PROX2: variants seen among roughly 807,000 people sequenced by gnomAD.
The protein encoded by PROX2 is prospero homeobox protein 2.
A neutral mutation model predicts 48.9 loss-of-function variants in PROX2; 46 were observed. That is an observed-to-expected ratio of 0.94 (90% confidence interval 0.74 to 1.20). The LOEUF (loss-of-function observed/expected upper bound fraction) is 1.20. Among genes scored for constraint, PROX2 ranks in the 50% most tolerant of loss-of-function variants. The probability of loss-of-function intolerance (pLI) is 0.00; values close to 1 mark genes in which losing one functional copy is unlikely to be tolerated. For missense variants in PROX2, 663 were observed against 719.4 expected (o/e 0.92, Z 0.90); for synonymous variants, 260 against 276.6 (o/e 0.94, Z 0.60).
chr14:74,873,686 G>T (rs1883270908), intron 1 of PROX2: 1 of 374,530 alleles, frequency 2.7e-6, no homozygotes, highest in Non-Finnish European at 5.2e-6. Context: ...AAAACAAAAT[G>T]AAGGAATTAA....
chr14:74,856,643 G>A, intron 5 of PROX2, 158 bp downstream of exon 5: 2 of 619,814 alleles, frequency 3.2e-6, no homozygotes, highest in East Asian at 2.8e-5. Flanking sequence ...AAGTGAAGAT[G>A]TTGAGGCTGT....
At chr14:74,860,132 C>T (rs10438166) in intron 3 of PROX2, among the ~76,000 whole-genome samples, 18,950 of 152,170 alleles carry the variant, frequency 0.12, 1,731 homozygotes, top group African/African-American at 0.26. Context: ...TGCTTGAGAA[C>T]GGTGAGATAA....
At chr14:74,855,326 A>T in intron 5 of PROX2, 24 bp from the exon 6 acceptor site, 1 of 1,516,272 alleles carries the variant, frequency 6.6e-7, no homozygotes, top group Non-Finnish European at 8.9e-7. Flanking sequence ...GAGACCCACA[A>T]GAAAGAAAAG....
Position 74,863,628 on chromosome 14 carries a change from C to T in PROX2, c.207G>A (p.Glu69=), listed in dbSNP as rs1294994421. 12 of 1,596,730 alleles carry T rather than the reference C, an allele frequency of 7.5e-6. No homozygotes were observed. Among genetic ancestry groups the T allele is most frequent in the Non-Finnish European group, 1.0e-5 (12 of 1,171,484 alleles). ...EHIQAKRARV[E]TIVRGMCLSP... The stretch of plus-strand genomic sequence containing the variant: ...AGAGACACATGCCTCGGACAATGGT[C>T]TCCACTCTGGCCCTCTTTGCCTGGA... The change falls in exon 3 of 6, where the codon GAG becomes GAA. Residue 69 remains glutamate, a synonymous_variant. Coordinates refer to ENST00000556489, the MANE Select transcript of PROX2 (RefSeq NM_001243007.2).
At chr14:74,870,696 AT>A (rs571952514) in intron 2 of PROX2, among the ~76,000 whole-genome samples, 121 of 152,250 alleles carry the variant, frequency 7.9e-4, no homozygotes, top group African/African-American at 2.9e-3. Flanking sequence ...TATATGCGAA[AT>A]CTCTGTACTT....
intron 4 of PROX2, chr14:74,858,145 C>G (rs1000436204): frequency 2.8e-5 from 9 of 325,088 alleles, no homozygotes; most frequent in Admixed American, 4.6e-5. Flanking sequence ...TTTCCCTCTA[C>G]TTTTCCTGCC....
rs1337478682 is a variant in PROX2, at chr14:74,854,376, T to C, written c.*756A>G. 3.1e-6 allele frequency: 1 copy of C among 319,216 alleles called. No homozygotes were observed. The highest frequency in any genetic ancestry group is 6.3e-6 in the Non-Finnish European group (1 of 157,698). 19.8% of individuals were successfully genotyped at this position (319,216 alleles called of 1,614,324 possible). A position where few individuals can be genotyped will look rare whatever the true frequency, so the allele number is the denominator to read the frequency against. On this transcript the variant is annotated 3_prime_UTR_variant, in exon 6 of 6. Transcript: ENST00000556489. ...TAAGTGCTGGGCAGGAGTTGTCAGGTGACGGTGCCCTGTCAGCGCTGGATG... is the reference window on the plus strand; with the variant it reads ...TAAGTGCTGGGCAGGAGTTGTCAGGCGACGGTGCCCTGTCAGCGCTGGATG...
rs1380033768 is a variant in PROX2 at position 74,858,408 on chromosome 14, T to C, written c.1412A>G (p.Gln471Arg). The change falls in exon 4 of 6, where the codon CAG (glutamine) becomes CGG (arginine). Residue 471 changes from glutamine (Q) to arginine (R), a missense_variant and splice_region_variant. Physicochemically the swap from Gln to Arg is conservative, Grantham distance 43. Coordinates refer to ENST00000556489, the MANE Select transcript of PROX2 (RefSeq NM_001243007.2). The part of the protein sequence containing the change: ...NLLKVYFPDV[Q>R]FNRCITSQMI... ...TGCCATTTAGTTGAGTGACTTTACC[T>C]GAACATCAGGAAAATAAACCTTCAG... The C allele has an allele frequency of 1.3e-6, 2 of 1,556,406 alleles. No individual in the cohort carries two copies. The highest frequency in any genetic ancestry group is 1.7e-6 in the Non-Finnish European group (2 of 1,144,770).
intron 2 of PROX2, among the ~76,000 whole-genome samples, chr14:74,868,306 C>A: frequency 9.5e-6 from 1 of 105,382 alleles, no homozygotes; most frequent in Admixed American, 1.2e-4. Flanking sequence ...TTTATAATTT[C>A]TCGTAATTAT....
At chr14:74,870,639 A>T (rs899301446) in intron 2 of PROX2, among the ~76,000 whole-genome samples, 11 of 152,156 alleles carry the variant, frequency 7.2e-5, no homozygotes, top group South Asian at 4.1e-4. Context: ...TTTGTTAATT[A>T]AACATTTGCA....
intron 2 of PROX2, chr14:74,865,463 A>C (rs1054439522): frequency 6.6e-6 from 1 of 152,324 alleles, no homozygotes; most frequent in African/African-American, 2.4e-5. Context: ...CTATTTCAGG[A>C]AAGACTGCCT....
intron 1 of PROX2, among the ~76,000 whole-genome samples, chr14:74,873,475 G>C (rs559388063): frequency 6.6e-6 from 1 of 152,308 alleles, no homozygotes; most frequent in South Asian, 2.1e-4. Context: ...CCTCCTAGGG[G>C]GGGTTCAGGA....
At chr14:74,869,754 C>T (rs1337473499) in intron 2 of PROX2, among the ~76,000 whole-genome samples, 4 of 152,216 alleles carry the variant, frequency 2.6e-5, no homozygotes, top group East Asian at 3.9e-4. Flanking sequence ...AAATCTTTGC[C>T]GTTATGGTAG....
chr14:74,865,780 G>A (rs867499566), intron 2 of PROX2, among the ~76,000 whole-genome samples: 27 of 150,164 alleles, frequency 1.8e-4, no homozygotes, highest in Admixed American at 6.6e-4. Flanking sequence ...GCAGTGAGCC[G>A]AGATCACACC....
chr14:74,875,244 G>A (rs545086407), intron 1 of PROX2, among the ~76,000 whole-genome samples: 1 of 152,196 alleles, frequency 6.6e-6, no homozygotes, highest in African/African-American at 2.4e-5. Flanking sequence ...TTAGCTTTGC[G>A]AAAAACTCTT....
At chr14:74,862,005 C>A (rs1352962023) in intron 3 of PROX2, among the ~76,000 whole-genome samples, 2 of 152,042 alleles carry the variant, frequency 1.3e-5, no homozygotes, top group African/African-American at 2.4e-5. Flanking sequence ...CCCTTTTAGA[C>A]CCAAAGGAAT....
At chr14:74,857,187 T>A (rs555613605) in intron 4 of PROX2, 192 bp from the exon 5 acceptor site, 1 of 526,388 alleles carries the variant, frequency 1.9e-6, no homozygotes, top group South Asian at 3.3e-5. Context: ...AAAATCTAAA[T>A]TAGCTACAGT....
chr14:74,871,635 G>A (rs940144389), intron 1 of PROX2, among the ~76,000 whole-genome samples: 2 of 152,132 alleles, frequency 1.3e-5, no homozygotes, highest in Non-Finnish European at 2.9e-5. Flanking sequence ...TTAACCAGAT[G>A]TGGTGGCACC....
chr14:74,860,369 T>C (rs1436029134), intron 3 of PROX2, among the ~76,000 whole-genome samples: 1 of 81,120 alleles, frequency 1.2e-5, no homozygotes, highest in African/African-American at 1.3e-4. Flanking sequence ...CAGGTTTTGC[T>C]ACCAAAAAAA....
Sources: allele counts gnomAD v4.1 joint callset (sites outside exome capture counted in the v4.1 genomes callset), GRCh38; gene constraint gnomAD v4.1.1; transcripts MANE v1.5; gene names NCBI Gene and HGNC (gene_info 2026-07-23, HGNC 2026-07-21).